The following ACAD9 variants were observed in gnomAD, a reference collection of about 807,000 sequenced individuals.
ACAD9 encodes the protein acyl-CoA dehydrogenase family member 9.
A neutral mutation model predicts 70.2 loss-of-function variants in ACAD9; 53 were observed. The observed-to-expected ratio is 0.75, with a 90% confidence interval of 0.61 to 0.95. The LOEUF is 0.95. ACAD9 is among the 40% of genes least tolerant of loss of function. The pLI, the probability that ACAD9 is intolerant of heterozygous loss-of-function variation, is 0.00. For synonymous variants in ACAD9, 313 were observed against 312.1 expected (o/e 1.00, Z -0.03); for missense variants, 777 against 802.8 (o/e 0.97, Z 0.39).
At chr3:128,888,244 A>C (rs1405584250) in intron 2 of ACAD9, among the ~76,000 whole-genome samples, 1 of 152,206 alleles carries the variant, frequency 6.6e-6, no homozygotes, top group Non-Finnish European at 1.5e-5. Context: ...GCCCCACTGT[A>C]CAGTCTTCAG....
chr3:128,909,589 C>CCA, intron 15 of ACAD9, 168 bp downstream of exon 15: 1 of 733,232 alleles, frequency 1.4e-6, no homozygotes, highest in Non-Finnish European at 2.3e-6. Flanking sequence ...AGCCTGGGGC[C>CCA]CACTTAGCTA....
At position 128,904,502 on chromosome 3, in the gene ACAD9, G is replaced by A. The variant is rs749036538; in HGVS notation, c.1146G>A (p.Val382=). The A allele has an allele frequency of 1.2e-6, 2 of 1,613,834 alleles. No individual in the cohort carries two copies. The highest frequency in any genetic ancestry group is 2.2e-5 in the South Asian group (2 of 91,076). The change falls in exon 11 of 18, where the codon GTG becomes GTA. Residue 382 remains valine, a synonymous_variant. Coordinates refer to ENST00000308982, the MANE Select transcript of ACAD9 (RefSeq NM_014049.5). Reference sequence around the variant, plus strand: ...ACTGCTCCATCGAGGCAGCCATGGTGAAGGTAACCCTGGCATAGCCAGAGA... The same window carrying A: ...ACTGCTCCATCGAGGCAGCCATGGTAAAGGTAACCCTGGCATAGCCAGAGA... ...FPDCSIEAAM[V]KVFSSEAAWQ...
At chr3:128,908,654 A>G (rs1328495206) in intron 13 of ACAD9, 3 of 534,056 alleles carry the variant, frequency 5.6e-6, no homozygotes, top group Non-Finnish European at 1.0e-5. Flanking sequence ...CCCCCACCCT[A>G]GGGGCACAGT....
At chr3:128,910,713 A>ATATC (rs779008004) in intron 16 of ACAD9, 28 bp from the exon 17 acceptor site, 5 of 1,613,600 alleles carry the variant, frequency 3.1e-6, no homozygotes, top group Admixed American at 3.3e-5. Flanking sequence ...GAATTTGGGC[A>ATATC]TATCTTTTCT....
At chr3:128,907,294 G>A (rs1485408149) in intron 12 of ACAD9, among the ~76,000 whole-genome samples, 2 of 152,128 alleles carry the variant, frequency 1.3e-5, no homozygotes, top group Admixed American at 1.3e-4. Context: ...CTGTTGCAGT[G>A]GACATACGGG....
chr3:128,895,454 G>C lies in ACAD9; in HGVS notation c.453+38G>C, dbSNP rs1935544851. ...GGGATTCTGTGTGGTGCTCTCTGTAGGTCTTCTGGAGTCACATGGAGGCAT... is the reference window on the plus strand; with the variant it reads ...GGGATTCTGTGTGGTGCTCTCTGTACGTCTTCTGGAGTCACATGGAGGCAT... On this transcript the variant is annotated intron_variant, in intron 4 of 17. Coordinates refer to ENST00000308982, the MANE Select transcript of ACAD9 (RefSeq NM_014049.5). 3.9e-6 allele frequency: 6 copies of C among 1,553,168 alleles called. No homozygotes were observed. The East Asian group carries it at 1.4e-4, about 37-fold the overall frequency.
At position 128,880,968 on chromosome 3, in the gene ACAD9, T is replaced by C. The variant is rs1419614307; in HGVS notation, c.150+1127T>C. 3.9e-5 allele frequency among the ~76,000 whole-genome samples: 6 copies of C among 152,176 alleles called. No homozygotes were observed. The East Asian group carries it at 1.2e-3, about 29-fold the overall frequency. On this transcript the variant is annotated intron_variant, in intron 1 of 17. Transcript: ENST00000308982. The stretch of plus-strand genomic sequence containing the variant: ...TTATCTTCTAAGGAAACCAACAGTA[T>C]ACTTGCTATTTCGTCGAGGTGCCCT...
intron 7 of ACAD9, among the ~76,000 whole-genome samples, chr3:128,900,339 G>A (rs1051006041): frequency 6.6e-6 from 1 of 152,110 alleles, no homozygotes; most frequent in Non-Finnish European, 1.5e-5. Context: ...CCGGGTTCAC[G>A]CCATTCTCCT....
intron 3 of ACAD9, 68 bp from the exon 4 acceptor site, chr3:128,895,242 A>T (rs1254590455): frequency 1.2e-4 from 145 of 1,205,318 alleles, no homozygotes; most frequent in Middle Eastern, 1.9e-4. Context: ...GAAAAAAAAA[A>T]GCCAATGAAG....
chr3:128,901,387 T>A, intron 8 of ACAD9, 38 bp downstream of exon 8: 7 of 1,609,614 alleles, frequency 4.3e-6, no homozygotes, highest in Non-Finnish European at 6.0e-6. Context: ...CCAGGTAGTG[T>A]CATGAGTGCA....
At position 128,902,899 on chromosome 3, in the gene ACAD9, G is replaced by A. The variant is rs1263603917; in HGVS notation, c.958+271G>A. Among the ~76,000 whole-genome samples, 4 of 152,186 alleles carry A rather than the reference G, an allele frequency of 2.6e-5. No individual in the cohort carries two copies. The highest frequency in any genetic ancestry group is 1.5e-5 in the Non-Finnish European group (1 of 68,032). On this transcript the variant is annotated intron_variant, in intron 9 of 17. Transcript: ENST00000308982. This position sits in a 1 kb window ranked among gnomAD's most constrained non-coding sequence, Gnocchi z 4.0. ...TGTCTGGGGTGGGGATGGGGATTGG[G>A]GAATGGGCTGTCTGTCTGGAGTGAG...
Position 128,912,743 on chromosome 3 carries a change from G to A in ACAD9, c.*136G>A, listed in dbSNP as rs1936484779. Reference sequence around the variant, plus strand: ...GTTCCCCGTCTGCACCTGAAGGGTTGTCGCCTGGCCTGGGAGAGCCTCTTC... The same window carrying A: ...GTTCCCCGTCTGCACCTGAAGGGTTATCGCCTGGCCTGGGAGAGCCTCTTC... On this transcript the variant is annotated 3_prime_UTR_variant, in exon 18 of 18. Coordinates refer to ENST00000308982, the MANE Select transcript of ACAD9 (RefSeq NM_014049.5). The A allele has an allele frequency of 2.3e-6, 2 of 864,272 alleles. No homozygotes were observed. Among genetic ancestry groups the A allele is most frequent in the Non-Finnish European group, 2.0e-6 (1 of 509,948 alleles). The allele number at this position is 864,272 out of a possible 1,614,324, so 53.5% of individuals were successfully genotyped here.
intron 16 of ACAD9, chr3:128,910,373 C>A (rs1318697048): frequency 6.9e-7 from 1 of 1,456,850 alleles, no homozygotes; most frequent in Non-Finnish European, 9.0e-7. Flanking sequence ...TTCCTGATCC[C>A]AGTGCCCCTA....
rs893384622 is a variant in ACAD9 at position 128,909,709 on chromosome 3, CT to C, written c.1563+289del. 76 of 600,396 alleles carry C rather than the reference CT, an allele frequency of 1.3e-4. No individual in the cohort carries two copies. The African/African-American group carries it at 1.3e-3, about 10-fold the overall frequency. 37.2% of individuals were successfully genotyped at this position (600,396 alleles called of 1,614,324 possible). A position where few individuals can be genotyped will look rare whatever the true frequency, so the allele number is the denominator to read the frequency against. On this transcript the variant is annotated intron_variant, in intron 15 of 17. Transcript: ENST00000308982. ...GGGCAGCTCCACCTGGGGCCTGAATCTAGGGACCTGATTGGTGGGGCCCTTG... is the reference window on the plus strand; with the variant it reads ...GGGCAGCTCCACCTGGGGCCTGAATCAGGGACCTGATTGGTGGGGCCCTTG...
In ACAD9 at chr3:128,897,709, A is replaced by G. The variant is rs1257611357; in HGVS notation, c.632A>G (p.Lys211Arg). Reference protein sequence around the residue: ...DKKHYILNGSKVWITNGGLAN... With the variant: ...DKKHYILNGSRVWITNGGLAN... ...AAGCACTACATCCTCAATGGCTCCA[A>G]GGTAGGGTTCCTTCCCCATGGCCAC... The change falls in exon 6 of 18, where the codon AAG becomes AGG. Residue 211 changes from lysine (K) to arginine (R), a missense_variant and splice_region_variant. By Grantham distance (26) the Lys-to-Arg change is conservative (BLOSUM62 2). Transcript: ENST00000308982. The G allele has an allele frequency of 6.2e-7, 1 of 1,613,252 alleles. No homozygotes were observed. Among genetic ancestry groups the G allele is most frequent in the Middle Eastern group, 1.7e-4 (1 of 6,056 alleles).
In ACAD9 at chr3:128,902,350, C is replaced by T. The variant is rs1935765599; in HGVS notation, c.883-203C>T. Among the ~76,000 whole-genome samples the T allele has an allele frequency of 1.3e-5, 2 of 152,188 alleles. No individual in the cohort carries two copies. Among genetic ancestry groups the T allele is most frequent in the African/African-American group, 4.8e-5 (2 of 41,442 alleles). ...CACCATGCCCAGCTCTGGCATGGTC[C>T]TTTGGAATAACGTTCAGTGGTCTTG... On this transcript the variant is annotated intron_variant, in intron 8 of 17. Coordinates refer to ENST00000308982, the MANE Select transcript of ACAD9 (RefSeq NM_014049.5). The surrounding 1 kb of genome is among the most constrained non-coding windows in gnomAD (Gnocchi z 4.0).
At chr3:128,905,310 A>G (rs1448234316) in intron 11 of ACAD9, among the ~76,000 whole-genome samples, 1 of 152,214 alleles carries the variant, frequency 6.6e-6, no homozygotes, top group Non-Finnish European at 1.5e-5. Context: ...GTTAAGGTAG[A>G]TACTAGAATT....
chr3:128,904,449 G>A lies in ACAD9; in HGVS notation c.1093G>A (p.Gly365Arg). Reference protein sequence around the residue: ...VMESMTYLTAGMLDQPGFPDC... With the variant: ...VMESMTYLTARMLDQPGFPDC... ...GGAGAGTATGACCTACCTCACAGCA[G>A]GGATGCTGGACCAACCTGGCTTTCC... The change falls in exon 11 of 18, where the codon GGG (glycine) becomes AGG (arginine). Residue 365 changes from glycine (G) to arginine (R), a missense_variant. Transcript: ENST00000308982. 6.2e-7 allele frequency: 1 copy of A among 1,614,222 alleles called. No individual in the cohort carries two copies. Among genetic ancestry groups the A allele is most frequent in the Non-Finnish European group, 8.5e-7 (1 of 1,180,048 alleles).
Position 128,879,738 on chromosome 3 carries a change from C to G in ACAD9, c.47C>G (p.Ala16Gly). The G allele has an allele frequency of 1.2e-6, 2 of 1,612,516 alleles. No homozygotes were observed. The highest frequency in any genetic ancestry group is 1.7e-6 in the Non-Finnish European group (2 of 1,179,952). The change falls in exon 1 of 18, where the codon GCC becomes GGC. Residue 16 changes from alanine (A) to glycine (G), a missense_variant. By Grantham distance (60) the Ala-to-Gly change is moderately conservative (BLOSUM62 0). Transcript: ENST00000308982. ...LFLRTTAAAR[A>G]CRGLVVSTAN... ...CTGCGCACCACGGCTGCGGCTCGTG[C>G]CTGCCGGGGTCTGGTGGTCTCTACC...
Sources: allele counts gnomAD v4.1 joint callset (sites outside exome capture counted in the v4.1 genomes callset), GRCh38; gene constraint gnomAD v4.1.1; non-coding constraint Gnocchi (gnomAD v3.1); transcripts MANE v1.5; gene names NCBI Gene and HGNC (gene_info 2026-07-23, HGNC 2026-07-21).